Variants in SKIC3 observed in about 807,000 individuals in gnomAD.
The protein encoded by SKIC3 is superkiller complex protein 3.
chr5:95,554,011 G>GTT, the SKIC3 span, among the ~76,000 whole-genome samples: 1 of 152,178 alleles, frequency 6.6e-6, no homozygotes, highest in African/African-American at 2.4e-5. Flanking sequence ...CTGGCTCCCT[G>GTT]TGTAAACTCA....
At chr5:95,549,407 T>C in the SKIC3 span, among the ~76,000 whole-genome samples, 34 of 152,144 alleles carry the variant, frequency 2.2e-4, no homozygotes, top group South Asian at 6.4e-3. Flanking sequence ...CAGCAGCAAA[T>C]AGGAAGCCAT....
chr5:95,538,672 G>A, the SKIC3 span, among the ~76,000 whole-genome samples: 37 of 152,194 alleles, frequency 2.4e-4, no homozygotes, highest in African/African-American at 8.4e-4. Flanking sequence ...TTTTCCAAAT[G>A]TGGTTCAAAA....
chr5:95,512,769 C>A, the SKIC3 span: 1 of 830,718 alleles, frequency 1.2e-6, no homozygotes, highest in Non-Finnish European at 1.9e-6. Context: ...AATGAAGGGT[C>A]ACTATGATAA....
chr5:95,484,440 G>A, the SKIC3 span, among the ~76,000 whole-genome samples: 1 of 149,548 alleles, frequency 6.7e-6, no homozygotes, highest in African/African-American at 2.5e-5. Context: ...TCAAATTCCT[G>A]GGCTCAAGCA....
At chr5:95,547,202 T>C in the SKIC3 span, 1 of 1,541,062 alleles carries the variant, frequency 6.5e-7, no homozygotes, top group Non-Finnish European at 9.0e-7. Flanking sequence ...TACCCAATCG[T>C]AAATGTTCCA....
chr5:95,527,875 T>C, the SKIC3 span: 10 of 897,272 alleles, frequency 1.1e-5, no homozygotes, highest in African/African-American at 1.7e-5. Flanking sequence ...ATGAATGACT[T>C]ATAAAAGTGC....
At chr5:95,522,350 A>C in the SKIC3 span, 1 of 1,600,412 alleles carries the variant, frequency 6.2e-7, no homozygotes, top group Non-Finnish European at 8.5e-7. Context: ...GTATGGAACT[A>C]TCTCCAAATC....
chr5:95,533,655 CCTT>C, the SKIC3 span, among the ~76,000 whole-genome samples: 2 of 152,140 alleles, frequency 1.3e-5, no homozygotes, highest in African/African-American at 4.8e-5. Context: ...GTGATATAGA[CCTT>C]CTTTTCTTTC....
the SKIC3 span, chr5:95,482,647 C>G: frequency 6.2e-7 from 1 of 1,613,392 alleles, no homozygotes; most frequent in Middle Eastern, 1.7e-4. Context: ...AATCAAATCC[C>G]AAAGAGGAAC....
the SKIC3 span, among the ~76,000 whole-genome samples, chr5:95,509,137 A>T: frequency 1.3e-5 from 2 of 152,208 alleles, no homozygotes; most frequent in Non-Finnish European, 2.9e-5. Flanking sequence ...ACAATGAAAC[A>T]TCAGGAAAGG....
At chr5:95,541,962 C>T in the SKIC3 span, 2 of 1,129,672 alleles carry the variant, frequency 1.8e-6, no homozygotes, top group Non-Finnish European at 2.7e-6. Flanking sequence ...GCTGTTCTCA[C>T]ATTCATTTAT....
chr5:95,505,199 T>C, the SKIC3 span, among the ~76,000 whole-genome samples: 1 of 152,174 alleles, frequency 6.6e-6, no homozygotes, highest in African/African-American at 2.4e-5. Flanking sequence ...CTGAATCTGT[T>C]TTTATTTTTA....
the SKIC3 span, chr5:95,529,983 C>T: frequency 7.1e-7 from 1 of 1,407,822 alleles, no homozygotes; most frequent in Non-Finnish European, 9.8e-7. Flanking sequence ...ACATTTTTTC[C>T]CTTCCACCTT....
At chr5:95,515,055 A>G in the SKIC3 span, 2 of 853,198 alleles carry the variant, frequency 2.3e-6, no homozygotes, top group Non-Finnish European at 3.7e-6. Flanking sequence ...TCACTGTTTA[A>G]GCATAATTAG....
the SKIC3 span, among the ~76,000 whole-genome samples, chr5:95,551,058 C>A: frequency 6.6e-6 from 1 of 152,164 alleles, no homozygotes; most frequent in African/African-American, 2.4e-5. Context: ...ACCCAATTTG[C>A]AGCCTAATTA....
chr5:95,530,481 C>T, the SKIC3 span, among the ~76,000 whole-genome samples: 1 of 152,158 alleles, frequency 6.6e-6, no homozygotes, highest in East Asian at 1.9e-4. Context: ...AAGAAACCTG[C>T]TACTTGCCAG....
chr5:95,539,197 A>G, the SKIC3 span, among the ~76,000 whole-genome samples: 1 of 152,118 alleles, frequency 6.6e-6, no homozygotes, highest in Non-Finnish European at 1.5e-5. Flanking sequence ...CCTATTTCCA[A>G]TGTAATTCAT....
At chr5:95,478,072 CT>C in the SKIC3 span, among the ~76,000 whole-genome samples, 1 of 151,954 alleles carries the variant, frequency 6.6e-6, no homozygotes, top group Non-Finnish European at 1.5e-5. Flanking sequence ...AAACTGTAAT[CT>C]TTTTTCCCCA....
the SKIC3 span, chr5:95,523,962 C>G: frequency 1.0e-6 from 1 of 964,748 alleles, no homozygotes; most frequent in South Asian, 1.7e-5. Flanking sequence ...CAAAAATATG[C>G]CAAAAAATCC....
Sources: gnomAD v4.1 joint callset for allele counts (sites outside exome capture counted in the v4.1 genomes callset) on GRCh38, gnomAD v4.1.1 for gene constraint, MANE v1.5 for transcripts, NCBI Gene and HGNC (gene_info 2026-07-23, HGNC 2026-07-21) for gene names.